The following TRAK1 variants were observed in gnomAD, a reference collection of about 807,000 sequenced individuals.
TRAK1 encodes trafficking kinesin protein 1.
Under a neutral mutation model 92.1 loss-of-function variants are expected in TRAK1, and 33 were observed. That is an observed-to-expected ratio of 0.36 (90% CI 0.27 to 0.48). The LOEUF (loss-of-function observed/expected upper bound fraction) is 0.48, where lower values mean the gene tolerates loss of function less well. TRAK1 is among the 20% of genes least tolerant of loss of function. The probability of loss-of-function intolerance (pLI) is 0.99; values close to 1 mark genes in which losing one functional copy is unlikely to be tolerated. For synonymous variants in TRAK1, 521 were observed against 517.3 expected (o/e 1.01, Z -0.10); for missense variants, 1,123 against 1,257.9 (o/e 0.89, Z 1.62).
chr3:42,036,071 T>C (rs951096237), intron 1 of TRAK1, among the ~76,000 whole-genome samples: 4 of 152,204 alleles, frequency 2.6e-5, no homozygotes, highest in Non-Finnish European at 4.4e-5. Flanking sequence ...ACTGCTGATA[T>C]TTTGGTCTGC....
chr3:42,113,780 C>A (rs1708804111), intron 1 of TRAK1, among the ~76,000 whole-genome samples: 1 of 152,140 alleles, frequency 6.6e-6, no homozygotes, highest in South Asian at 2.1e-4. Context: ...TCTCAAACTC[C>A]AGGGCTCAAG....
In TRAK1 at chr3:42,224,999, G is replaced by T. The variant is rs957294490; in HGVS notation, c.*1262G>T. The T allele has an allele frequency of 6.6e-6, 1 of 152,176 alleles. No individual in the cohort carries two copies. Among genetic ancestry groups the T allele is most frequent in the African/African-American group, 2.4e-5 (1 of 41,432 alleles). The allele number at this position is 152,176 out of a possible 1,614,324, so 9.4% of individuals were successfully genotyped here. On this transcript the variant is annotated 3_prime_UTR_variant, in exon 16 of 16. Coordinates refer to ENST00000327628, the MANE Select transcript of TRAK1 (RefSeq NM_001042646.3). The stretch of plus-strand genomic sequence containing the variant: ...TTTTTATCCTTAGGAAAAGATCCAG[G>T]TGCTTGTGAAAAGAATCATGAATGC...
intron 3 of TRAK1, among the ~76,000 whole-genome samples, chr3:42,182,526 C>T (rs1329509572): frequency 6.6e-6 from 1 of 152,310 alleles, no homozygotes; most frequent in East Asian, 1.9e-4. Flanking sequence ...CTCCTGACCT[C>T]AAGTGATCCC....
At position 42,209,830 on chromosome 3, in the gene TRAK1, C is replaced by A. The variant is rs1214218296; in HGVS notation, c.1808C>A (p.Pro603His). 6.2e-7 allele frequency: 1 copy of A among 1,614,188 alleles called. No individual in the cohort carries two copies. Among genetic ancestry groups the A allele is most frequent in the East Asian group, 2.2e-5 (1 of 44,880 alleles). The change falls in exon 14 of 16, where the codon CCC becomes CAC. Residue 603 changes from proline (P) to histidine (H), a missense_variant. Physicochemically the swap from Pro to His is moderately conservative, Grantham distance 77 (BLOSUM62 -2). Coordinates refer to ENST00000327628, the MANE Select transcript of TRAK1 (RefSeq NM_001042646.3). ...CCTCACCTTGGGGGCATCCTGGACC[C>A]CCGGCCCGGTGTGGTCACCAAGGGC... ...AQPHLGGILD[P>H]RPGVVTKGFR...
chr3:42,202,706 C>G lies in TRAK1; in HGVS notation c.1698C>G (p.Ser566Arg). 6 of 1,613,970 alleles carry G rather than the reference C, an allele frequency of 3.7e-6. No individual in the cohort carries two copies. Among genetic ancestry groups the G allele is most frequent in the Non-Finnish European group, 2.5e-6 (3 of 1,179,972 alleles). The change falls in exon 13 of 16, where the codon AGC (serine) becomes AGG (arginine). Residue 566 changes from serine to arginine, a missense_variant. Around this residue, in one of 3 missense-constraint regions of TRAK1, gnomAD observed 686 missense variants for 747.6 expected, o/e 0.92. Transcript: ENST00000327628. The surrounding 1 kb of genome is among the most constrained non-coding windows in gnomAD (Gnocchi z 6.1). Reference sequence around the variant, plus strand: ...GCTTCTCTGGCATGTCCTTCAGCAGCCGCTCCTACCTGCCTGAGAAGCTCC... The same window carrying G: ...GCTTCTCTGGCATGTCCTTCAGCAGGCGCTCCTACCTGCCTGAGAAGCTCC... ...FTGFSGMSFS[S>R]RSYLPEKLQI... is the part of the protein sequence containing the mutation.
At chr3:42,169,146 C>T (rs1576757510) in intron 2 of TRAK1, among the ~76,000 whole-genome samples, 1 of 148,076 alleles carries the variant, frequency 6.8e-6, no homozygotes, top group Non-Finnish European at 1.5e-5. Context: ...TTCTTTCTTT[C>T]TTTTTTTTTT....
chr3:42,120,123 C>T (rs1709660942), intron 1 of TRAK1, among the ~76,000 whole-genome samples: 1 of 152,184 alleles, frequency 6.6e-6, no homozygotes, highest in South Asian at 2.1e-4. Context: ...CACCATGGGG[C>T]ATTACAGTAA....
chr3:42,153,655 C>T (rs900131447), intron 2 of TRAK1, among the ~76,000 whole-genome samples: 2 of 152,130 alleles, frequency 1.3e-5, no homozygotes, highest in Admixed American at 6.5e-5. Flanking sequence ...TTATGGTATA[C>T]GCAAGGGCAG....
intron 1 of TRAK1, among the ~76,000 whole-genome samples, chr3:42,114,513 ATCAT>A (rs1418913338): frequency 6.6e-6 from 1 of 152,202 alleles, no homozygotes; most frequent in Non-Finnish European, 1.5e-5. Context: ...TGGTTTAAGG[ATCAT>A]GGACACATTT....
intron 1 of TRAK1, among the ~76,000 whole-genome samples, chr3:42,024,418 A>G (rs540741394): frequency 6.6e-6 from 1 of 152,366 alleles, no homozygotes; most frequent in Admixed American, 6.5e-5. Flanking sequence ...CCTTGTAAAC[A>G]TCGCAGTTGC....
upstream of TRAK1, among the ~76,000 whole-genome samples, chr3:42,082,543 C>T (rs11928711): frequency 0.52 from 78,326 of 151,804 alleles, 21,536 homozygotes; most frequent in South Asian, 0.68. Context: ...TTCAGTGAGC[C>T]GAGATCGCGC....
Position 42,125,615 on chromosome 3 carries a change from G to A in TRAK1, c.286+1G>A, listed in dbSNP as rs2149140090. On this transcript the variant is annotated splice_donor_variant, in intron 2 of 15. Coordinates refer to ENST00000327628, the MANE Select transcript of TRAK1 (RefSeq NM_001042646.3). LOFTEE classifies it high-confidence loss of function. The stretch of plus-strand genomic sequence containing the variant: ...ATTGAAGAGACGTTAAAATACTTCC[G>A]TAAGTAGTTGTCCATGTGTGTTGTG... 4 of 1,613,970 alleles carry A rather than the reference G, an allele frequency of 2.5e-6. No individual in the cohort carries two copies. The highest frequency in any genetic ancestry group is 2.2e-5 in the East Asian group (1 of 44,886).
chr3:42,028,876 A>G (rs538375854), intron 1 of TRAK1, among the ~76,000 whole-genome samples: 4 of 152,314 alleles, frequency 2.6e-5, no homozygotes, highest in African/African-American at 9.6e-5. Context: ...TTTATTTATG[A>G]GACGGTATGT....
chr3:42,223,737 A>G lies in TRAK1; in HGVS notation c.2862A>G (p.Ter954TrpextTer9), dbSNP rs1710582029. The change falls in exon 16 of 16, where the codon TGA (stop) becomes TGG (tryptophan). Residue 954 changes from the stop codon to tryptophan (W), a stop_lost. Coordinates refer to ENST00000327628, the MANE Select transcript of TRAK1 (RefSeq NM_001042646.3). This position sits in a 1 kb window ranked among gnomAD's most constrained non-coding sequence, Gnocchi z 6.1. ...AKLSKQTSLR* is the reference protein window; with the variant it reads ...AKLSKQTSLRW ...TCTCCAAACAAACTAGCTTACGGTG[A>G]GGACTGGAGGGGGGCCGGTTGCCCT... The G allele has an allele frequency of 6.3e-7, 1 of 1,598,172 alleles. No individual in the cohort carries two copies. The highest frequency in any genetic ancestry group is 1.7e-5 in the Admixed American group (1 of 59,474).
chr3:42,045,595 C>T (rs527669259), intron 1 of TRAK1, among the ~76,000 whole-genome samples: 4 of 152,286 alleles, frequency 2.6e-5, no homozygotes, highest in East Asian at 1.9e-4. Context: ...AGCATGGATC[C>T]GATCCTAGGT....
chr3:42,203,847 C>A (rs1708009577), intron 13 of TRAK1: 2 of 858,034 alleles, frequency 2.3e-6, no homozygotes, highest in South Asian at 5.4e-5. Context: ...AGCAATACAT[C>A]TGTGGTATTA....
At chr3:42,191,289 G>A (rs894725558) in intron 6 of TRAK1, among the ~76,000 whole-genome samples, 4 of 152,212 alleles carry the variant, frequency 2.6e-5, no homozygotes, top group Non-Finnish European at 5.9e-5. Context: ...TTTTAACAGA[G>A]CAAGCTGTAG....
intron 1 of TRAK1, among the ~76,000 whole-genome samples, chr3:42,022,242 A>G (rs73075250): frequency 0.17 from 25,169 of 152,172 alleles, 2,161 homozygotes; most frequent in Middle Eastern, 0.31. Flanking sequence ...CTCTTGTGGA[A>G]GAAACATAGT....
At chr3:42,145,977 T>C in intron 2 of TRAK1, 1 of 306,730 alleles carries the variant, frequency 3.3e-6, no homozygotes, top group South Asian at 3.2e-5. Flanking sequence ...GGGAAGATAA[T>C]AAATGCTGCA....
Sources: allele counts gnomAD v4.1 joint callset (sites outside exome capture counted in the v4.1 genomes callset), GRCh38; gene constraint gnomAD v4.1.1; regional missense constraint gnomAD v4.1.1; non-coding constraint Gnocchi (gnomAD v3.1); transcripts MANE v1.5; gene names NCBI Gene and HGNC (gene_info 2026-07-23, HGNC 2026-07-21).